Variants in C11orf97 observed in about 807,000 individuals in gnomAD.
C11orf97 encodes the protein uncharacterized protein C11orf97.
C11orf97 carries 15 observed loss-of-function variants against 16.2 expected under a neutral mutation model. That is an observed-to-expected ratio of 0.93 (90% CI 0.62 to 1.43). The LOEUF is 1.43. Ranked by LOEUF, C11orf97 falls within the 40% of genes most tolerant of loss-of-function variation. The pLI is 0.00. For missense variants in C11orf97, 171 were observed against 161.2 expected (o/e 1.06, Z -0.33); for synonymous variants, 61 against 65.7 (o/e 0.93, Z 0.34).
At chr11:94,525,078 A>G (rs1483210040) in intron 2 of C11orf97, among the ~76,000 whole-genome samples, 1 of 149,504 alleles carries the variant, frequency 6.7e-6, no homozygotes. Flanking sequence ...AGAAAAAAAA[A>G]AAAAAGAAAG....
At chr11:94,516,544 G>A (rs535196341) in intron 1 of C11orf97, among the ~76,000 whole-genome samples, 1 of 152,306 alleles carries the variant, frequency 6.6e-6, no homozygotes, top group African/African-American at 2.4e-5. Context: ...ATGAACTGAA[G>A]AGACAACATC....
At chr11:94,514,865 G>A (rs1947599623) in intron 1 of C11orf97, among the ~76,000 whole-genome samples, 1 of 151,734 alleles carries the variant, frequency 6.6e-6, no homozygotes, top group South Asian at 2.1e-4. Context: ...GGCTGGTCTT[G>A]GACTCCTGAC....
At chr11:94,531,681 G>A (rs1947740343) in intron 3 of C11orf97, among the ~76,000 whole-genome samples, 1 of 152,136 alleles carries the variant, frequency 6.6e-6, no homozygotes, top group Admixed American at 6.5e-5. Flanking sequence ...CCCAGGTGAT[G>A]CTGATGCTGC....
intron 2 of C11orf97, among the ~76,000 whole-genome samples, chr11:94,525,093 G>A (rs1263398157): frequency 6.6e-6 from 1 of 150,396 alleles, no homozygotes; most frequent in African/African-American, 2.4e-5. Flanking sequence ...AGAAAGAAAA[G>A]AAAAATGTAG....
At chr11:94,531,780 A>T in intron 3 of C11orf97, 116 bp from the exon 4 acceptor site, 1 of 818,242 alleles carries the variant, frequency 1.2e-6, no homozygotes, top group Non-Finnish European at 1.7e-6. Context: ...TGTGGCTCTT[A>T]CATTCTGCTC....
chr11:94,526,943 G>A (rs114204836), intron 2 of C11orf97, among the ~76,000 whole-genome samples: 130 of 152,180 alleles, frequency 8.5e-4, no homozygotes, highest in African/African-American at 3.1e-3. Flanking sequence ...CTCCAGTCAC[G>A]GAATCTTAGT....
At chr11:94,514,636 T>C (rs953500663) in intron 1 of C11orf97, among the ~76,000 whole-genome samples, 2 of 142,766 alleles carry the variant, frequency 1.4e-5, no homozygotes, top group African/African-American at 5.2e-5. Context: ...TTATTTATTT[T>C]TGCCTTTTTT....
intron 1 of C11orf97, among the ~76,000 whole-genome samples, chr11:94,513,172 T>G (rs971400145): frequency 1.3e-5 from 2 of 152,312 alleles, no homozygotes; most frequent in African/African-American, 2.4e-5. Flanking sequence ...TTAACTTCCA[T>G]CTCTTGGACT....
At chr11:94,530,295 T>C (rs1039274546) in intron 3 of C11orf97, among the ~76,000 whole-genome samples, 2 of 152,242 alleles carry the variant, frequency 1.3e-5, no homozygotes, top group African/African-American at 4.8e-5. Context: ...GTAACTGTTA[T>C]TGACACATAG....
chr11:94,522,128 T>C (rs1278701062), intron 2 of C11orf97, among the ~76,000 whole-genome samples: 2 of 152,208 alleles, frequency 1.3e-5, no homozygotes, highest in Non-Finnish European at 2.9e-5. Context: ...TCTCATACTT[T>C]TCACTACGGC....
intron 2 of C11orf97, among the ~76,000 whole-genome samples, chr11:94,522,639 C>T (rs1254004029): frequency 6.6e-6 from 1 of 152,126 alleles, no homozygotes; most frequent in Non-Finnish European, 1.5e-5. Flanking sequence ...GGTCCAAATG[C>T]AAATCCAGAG....
intron 3 of C11orf97, among the ~76,000 whole-genome samples, chr11:94,531,683 T>C (rs917893125): frequency 6.6e-6 from 1 of 152,162 alleles, no homozygotes; most frequent in African/African-American, 2.4e-5. Flanking sequence ...CAGGTGATGC[T>C]GATGCTGCTT....
At chr11:94,515,972 C>A (rs1181574682) in intron 1 of C11orf97, among the ~76,000 whole-genome samples, 2 of 152,138 alleles carry the variant, frequency 1.3e-5, no homozygotes, top group African/African-American at 4.8e-5. Context: ...GTTTGTGAAC[C>A]CTTTTTCTGC....
intron 2 of C11orf97, among the ~76,000 whole-genome samples, chr11:94,519,861 A>T (rs1565252838): frequency 6.6e-6 from 1 of 152,206 alleles, no homozygotes; most frequent in African/African-American, 2.4e-5. Flanking sequence ...AGAGGGTGCC[A>T]CACTCTTCCA....
Position 94,528,156 on chromosome 11 carries a change from G to C in C11orf97, c.323G>C (p.Arg108Thr). ...VGGLKPGLPS[R>T]NSLLPQAKYY... ...GGCTTGAAGCCAGGACTGCCGAGCA[G>C]AAACAGTTTATTGCCACAAGCCAAG... The change falls in exon 3 of 4, where the codon AGA (arginine) becomes ACA (threonine). Residue 108 changes from arginine (R) to threonine (T), a missense_variant. Arg to Thr is a moderately conservative substitution (Grantham distance 71). Transcript: ENST00000542198. 1.3e-6 allele frequency: 2 copies of C among 1,536,030 alleles called. No homozygotes were observed. The highest frequency in any genetic ancestry group is 2.0e-5 in the Admixed American group (1 of 50,982).
intron 1 of C11orf97, among the ~76,000 whole-genome samples, chr11:94,516,407 G>T (rs971559898): frequency 6.6e-6 from 1 of 152,186 alleles, no homozygotes; most frequent in Non-Finnish European, 1.5e-5. Context: ...CACAGTGACC[G>T]TATAACTGCA....
intron 2 of C11orf97, among the ~76,000 whole-genome samples, chr11:94,526,852 G>A (rs1045140277): frequency 6.6e-6 from 1 of 152,276 alleles, no homozygotes; most frequent in Non-Finnish European, 1.5e-5. Flanking sequence ...TTGACAGATA[G>A]CTTCAGCTAC....
chr11:94,515,786 C>T lies in C11orf97; in HGVS notation c.146-1797C>T, dbSNP rs142732519. Among the ~76,000 whole-genome samples, 686 of 151,916 alleles carry T rather than the reference C, an allele frequency of 4.5e-3. 6 individuals carry two copies. The highest frequency in any genetic ancestry group is 0.016 in the African/African-American group (661 of 41,372). Reference sequence around the variant, plus strand: ...TTCTCCTGAGCAGGAGATATTTACCCGTACTAGCTCCTTAGTACTCTCCCA... The same window carrying T: ...TTCTCCTGAGCAGGAGATATTTACCTGTACTAGCTCCTTAGTACTCTCCCA... On this transcript the variant is annotated intron_variant, in intron 1 of 3. Transcript: ENST00000542198.
At chr11:94,530,030 C>A (rs567629751) in intron 3 of C11orf97, among the ~76,000 whole-genome samples, 1 of 152,278 alleles carries the variant, frequency 6.6e-6, no homozygotes, top group South Asian at 2.1e-4. Context: ...TATTATGAGA[C>A]TGATTGAATA....
Sources: allele counts gnomAD v4.1 joint callset (sites outside exome capture counted in the v4.1 genomes callset), GRCh38; gene constraint gnomAD v4.1.1; transcripts MANE v1.5; gene names NCBI Gene and HGNC (gene_info 2026-07-23, HGNC 2026-07-21).